The following HACL1 variants were observed in gnomAD, a reference collection of about 807,000 sequenced individuals.
HACL1 encodes 1600020H07Rik.
In HACL1, 64 loss-of-function variants were observed where a neutral mutation model predicts 74.2. The ratio of observed to expected loss-of-function variants is 0.86; its 90% CI spans 0.70 to 1.06. The LOEUF (loss-of-function observed/expected upper bound fraction) is 1.06, where lower values mean the gene tolerates loss of function less well. Ranked by LOEUF, HACL1 falls within the 50% of genes least tolerant of loss-of-function variation. The pLI is 0.00. For missense variants in HACL1, 728 were observed against 719.7 expected (o/e 1.01, Z -0.13); for synonymous variants, 230 against 238.8 (o/e 0.96, Z 0.34).
chr3:15,600,896 C>T (rs2064206937), intron 2 of HACL1, 194 bp downstream of exon 2: 1 of 612,352 alleles, frequency 1.6e-6, no homozygotes, highest in East Asian at 2.8e-5. Context: ...TCACCAAAGG[C>T]AAGTTTTACT....
At chr3:15,586,997 T>C (rs2063807223) in intron 5 of HACL1, among the ~76,000 whole-genome samples, 1 of 152,236 alleles carries the variant, frequency 6.6e-6, no homozygotes, top group Admixed American at 6.5e-5. Context: ...CTTCATCTGT[T>C]AGATTTTGTT....
At chr3:15,579,512 T>A (rs1177730085) in intron 9 of HACL1, among the ~76,000 whole-genome samples, 2 of 152,034 alleles carry the variant, frequency 1.3e-5, no homozygotes, top group Non-Finnish European at 2.9e-5. Flanking sequence ...ATAGAAAAAA[T>A]ATTTGAAGAA....
At chr3:15,568,687 C>G (rs572981785) in intron 12 of HACL1, 101 bp from the exon 13 acceptor site, 5 of 700,182 alleles carry the variant, frequency 7.1e-6, no homozygotes, top group African/African-American at 1.8e-5. Flanking sequence ...TACGCAACAA[C>G]TACAAGCTAC....
intron 12 of HACL1, among the ~76,000 whole-genome samples, chr3:15,570,706 TAGAC>T (rs1382082763): frequency 6.6e-6 from 1 of 151,780 alleles, no homozygotes; most frequent in East Asian, 1.9e-4. Context: ...GTGCTAGTAG[TAGAC>T]AGTTTGATGG....
chr3:15,593,581 T>G (rs1475534825), intron 3 of HACL1, among the ~76,000 whole-genome samples: 2 of 152,182 alleles, frequency 1.3e-5, no homozygotes, highest in African/African-American at 4.8e-5. Context: ...TCACACCTTA[T>G]GTCTCTAACC....
intron 3 of HACL1, chr3:15,595,978 T>C (rs112128302): frequency 1.3e-5 from 2 of 154,016 alleles, no homozygotes; most frequent in Admixed American, 1.3e-4. Context: ...TTTAAAAATG[T>C]ATTAATTTTT....
At chr3:15,581,607 A>C (rs1262509037) in intron 8 of HACL1, among the ~76,000 whole-genome samples, 1 of 152,118 alleles carries the variant, frequency 6.6e-6, no homozygotes, top group Non-Finnish European at 1.5e-5. Context: ...CCACTTGGTG[A>C]ACTATTGTCT....
intron 12 of HACL1, among the ~76,000 whole-genome samples, chr3:15,568,865 G>A (rs2063477790): frequency 6.6e-6 from 1 of 152,204 alleles, no homozygotes; most frequent in African/African-American, 2.4e-5. Flanking sequence ...TAAAGACATT[G>A]AGAAGTCCTA....
intron 3 of HACL1, among the ~76,000 whole-genome samples, chr3:15,594,190 T>A (rs2064014481): frequency 6.6e-6 from 1 of 152,166 alleles, no homozygotes; most frequent in Non-Finnish European, 1.5e-5. Flanking sequence ...GATGGATCAC[T>A]TGAGTCTAGG....
chr3:15,579,352 T>A (rs1574925013), intron 9 of HACL1, among the ~76,000 whole-genome samples: 1 of 151,978 alleles, frequency 6.6e-6, no homozygotes, highest in East Asian at 1.9e-4. Flanking sequence ...ATTTACCCCA[T>A]CATGAAGTAT....
chr3:15,595,235 A>C (rs1255690462), intron 3 of HACL1, among the ~76,000 whole-genome samples: 1 of 152,242 alleles, frequency 6.6e-6, no homozygotes, highest in Non-Finnish European at 1.5e-5. Context: ...TTCCAAGCTA[A>C]ATGAAAAGAT....
At chr3:15,576,985 T>C (rs4527361) in intron 9 of HACL1, among the ~76,000 whole-genome samples, 3,611 of 152,292 alleles carry the variant, frequency 0.024, 223 homozygotes, top group Admixed American at 0.12. Context: ...TATAGTCCCT[T>C]GTAACCTTTT....
intron 3 of HACL1, 131 bp downstream of exon 3, chr3:15,596,253 T>C (rs1041995233): frequency 1.6e-6 from 1 of 637,938 alleles, no homozygotes; most frequent in African/African-American, 1.8e-5. Flanking sequence ...GAGTTTTAAA[T>C]GTTTTTTATC....
Position 15,596,140 on chromosome 3 carries a change from A to G in HACL1, c.227+244T>C, listed in dbSNP as rs1302984340. On this transcript the variant is annotated intron_variant, in intron 3 of 16. Transcript: ENST00000321169. ...TGAGATCCAAGACAAGGTATCATACATCAACTCACTATCTGATCACCAGTG... is the reference window on the plus strand; with the variant it reads ...TGAGATCCAAGACAAGGTATCATACGTCAACTCACTATCTGATCACCAGTG... 8.9e-6 allele frequency: 4 copies of G among 449,910 alleles called. No homozygotes were observed. The East Asian group carries it at 1.5e-4, about 17-fold the overall frequency. The allele number at this position is 449,910 out of a possible 1,614,324, so 27.9% of individuals were successfully genotyped here. A position where few individuals can be genotyped will look rare whatever the true frequency, so the allele number is the denominator to read the frequency against.
intron 3 of HACL1, among the ~76,000 whole-genome samples, chr3:15,594,193 A>G (rs1202019548): frequency 6.6e-6 from 1 of 152,154 alleles, no homozygotes; most frequent in Non-Finnish European, 1.5e-5. Flanking sequence ...GGATCACTTG[A>G]GTCTAGGAGT....
chr3:15,592,594 A>G (rs1189587352), intron 3 of HACL1, among the ~76,000 whole-genome samples: 1 of 125,254 alleles, frequency 8.0e-6, no homozygotes, highest in African/African-American at 3.0e-5. Context: ...GCGTGTATAC[A>G]CATGTACGCA....
At chr3:15,593,144 TACACAC>T (rs1167849009) in intron 3 of HACL1, among the ~76,000 whole-genome samples, 66 of 148,432 alleles carry the variant, frequency 4.4e-4, no homozygotes, top group African/African-American at 1.4e-3. Context: ...TATGTATATA[TACACAC>T]ATACACACAT....
chr3:15,601,542 A>C lies in HACL1; in HGVS notation c.-79T>G. ...CCAGCAAGGCAAACGCGAAATCGGC[A>C]GCACGCCACCTCTGGTACTGCACCT... On this transcript the variant is annotated 5_prime_UTR_variant, in exon 1 of 17. Coordinates refer to ENST00000321169, the MANE Select transcript of HACL1 (RefSeq NM_012260.4). 10 of 1,605,546 alleles carry C rather than the reference A, an allele frequency of 6.2e-6. No individual in the cohort carries two copies. Among genetic ancestry groups the C allele is most frequent in the Non-Finnish European group, 8.5e-6 (10 of 1,179,708 alleles).
Position 15,595,203 on chromosome 3 carries a change from TAATA to T in HACL1, c.227+1177_227+1180del, listed in dbSNP as rs896214340. Among the ~76,000 whole-genome samples, 73 of 152,326 alleles carry T rather than the reference TAATA, an allele frequency of 4.8e-4. No individual in the cohort carries two copies. The Middle Eastern group carries it at 0.01, about 21-fold the overall frequency. ...GCATTTTTTACATTAAGGCATTAAT[TAATA>T]ACTATAATTTAAATGCTTTCCAAGC... On this transcript the variant is annotated intron_variant, in intron 3 of 16. Transcript: ENST00000321169.
Sources: gnomAD v4.1 joint callset for allele counts (sites outside exome capture counted in the v4.1 genomes callset) on GRCh38, gnomAD v4.1.1 for gene constraint, MANE v1.5 for transcripts, NCBI Gene and HGNC (gene_info 2026-07-23, HGNC 2026-07-21) for gene names.